CFAP77: variants seen among roughly 807,000 people sequenced by gnomAD.
CFAP77 encodes cilia- and flagella-associated protein 77.
A neutral mutation model predicts 31.1 loss-of-function variants in CFAP77; 25 were observed. The ratio of observed to expected loss-of-function variants is 0.80; its 90% confidence interval spans 0.59 to 1.12. The LOEUF (loss-of-function observed/expected upper bound fraction) is 1.12, where lower values mean the gene tolerates loss of function less well. Ranked by LOEUF, CFAP77 falls within the 50% of genes most tolerant of loss-of-function variation. The pLI is 0.00. For synonymous variants in CFAP77, 151 were observed against 159.9 expected, an observed-to-expected ratio of 0.94 and a Z score of 0.42; for missense variants, 377 against 397.3, an observed-to-expected ratio of 0.95 and a Z score of 0.44.
At chr9:132,531,943 G>C (rs1030963617) in intron 3 of CFAP77, among the ~76,000 whole-genome samples, 1 of 152,194 alleles carries the variant, frequency 6.6e-6, no homozygotes, top group African/African-American at 2.4e-5. Flanking sequence ...ATGTACCGGG[G>C]ACTGCTGAGA....
chr9:132,537,820 T>C (rs1852572679), intron 4 of CFAP77, 114 bp downstream of exon 4: 1 of 756,612 alleles, frequency 1.3e-6, no homozygotes, highest in Non-Finnish European at 2.2e-6. Flanking sequence ...TGGGGATGAG[T>C]GGGAAATCAG....
rs1039814155 is a variant in CFAP77, at chr9:132,511,532, C to T, written c.524+11932C>T. On this transcript the variant is annotated intron_variant, in intron 3 of 5. Coordinates refer to ENST00000393216, the MANE Select transcript of CFAP77 (RefSeq NM_001282957.2). This position sits in a 1 kb window ranked among gnomAD's most constrained non-coding sequence, Gnocchi z 5.8. ...TGGAATGTTGTAGGTGCTCAGTAAA[C>T]GCTTGTTGACTGACTGCGTGAGAGG... is the stretch of plus-strand genomic sequence containing the variant. Among the ~76,000 whole-genome samples, 27 of 152,178 alleles carry T rather than the reference C, an allele frequency of 1.8e-4. No homozygotes were observed. Among genetic ancestry groups the T allele is most frequent in the Admixed American group, 5.9e-4 (9 of 15,284 alleles).
At chr9:132,537,210 G>A (rs1852557718) in intron 3 of CFAP77, among the ~76,000 whole-genome samples, 1 of 152,144 alleles carries the variant, frequency 6.6e-6, no homozygotes, top group African/African-American at 2.4e-5. Context: ...CAGATATCAG[G>A]GGTGCAGGTG....
intron 1 of CFAP77, among the ~76,000 whole-genome samples, chr9:132,430,512 C>G (rs551016590): frequency 1.3e-5 from 2 of 152,284 alleles, no homozygotes; most frequent in East Asian, 3.9e-4. Context: ...TTCCATTCTT[C>G]CCAATGACCA....
intron 3 of CFAP77, among the ~76,000 whole-genome samples, chr9:132,531,719 T>G (rs993156933): frequency 2.0e-5 from 3 of 152,014 alleles, no homozygotes; most frequent in African/African-American, 7.3e-5. Context: ...TTCTCCACCT[T>G]TGTATCCAAG....
chr9:132,439,277 G>A (rs1250967592), intron 1 of CFAP77, among the ~76,000 whole-genome samples: 1 of 152,178 alleles, frequency 6.6e-6, no homozygotes, highest in Non-Finnish European at 1.5e-5. Context: ...TGGCTCATGT[G>A]GGTAGAAGCT....
At chr9:132,542,485 C>T (rs749968733) in intron 4 of CFAP77, among the ~76,000 whole-genome samples, 1 of 152,198 alleles carries the variant, frequency 6.6e-6, no homozygotes, top group African/African-American at 2.4e-5. Context: ...CTGAGTCCCC[C>T]GAAGAAGCTC....
chr9:132,438,542 T>TATATATATA (rs1491134869), intron 1 of CFAP77, among the ~76,000 whole-genome samples: 1 of 81,950 alleles, frequency 1.2e-5, no homozygotes, highest in East Asian at 3.6e-4. Context: ...TATATATATA[T>TATATATATA]TTTTTTTTTT....
chr9:132,503,116 A>G (rs1851881576), intron 3 of CFAP77, among the ~76,000 whole-genome samples: 1 of 152,202 alleles, frequency 6.6e-6, no homozygotes, highest in South Asian at 2.1e-4. Context: ...GTGACACTAG[A>G]GACACCTTGG....
At chr9:132,458,357 G>GGGGTGGGGT (rs139008147) in intron 1 of CFAP77, among the ~76,000 whole-genome samples, 23 of 119,066 alleles carry the variant, frequency 1.9e-4, no homozygotes, top group South Asian at 2.7e-4. Flanking sequence ...GAGGGGGGGG[G>GGGGTGGGGT]GTGTGTATGG....
At chr9:132,429,690 CA>C (rs527868008) in intron 1 of CFAP77, among the ~76,000 whole-genome samples, 416 of 129,448 alleles carry the variant, frequency 3.2e-3, no homozygotes, top group African/African-American at 4.5e-3. Context: ...TAACAAAATA[CA>C]AAAAAAAAAA....
At chr9:132,450,194 T>A (rs1477782525) in intron 1 of CFAP77, among the ~76,000 whole-genome samples, 2 of 150,714 alleles carry the variant, frequency 1.3e-5, no homozygotes, top group African/African-American at 4.9e-5. Flanking sequence ...CCTCCCAAAG[T>A]GCTGGGATTA....
intron 3 of CFAP77, among the ~76,000 whole-genome samples, chr9:132,533,510 C>T (rs1181386168): frequency 6.7e-6 from 1 of 150,166 alleles, no homozygotes; most frequent in Admixed American, 6.6e-5. Context: ...CGGCTCCAGG[C>T]GTTTCTTGGT....
intron 5 of CFAP77, among the ~76,000 whole-genome samples, chr9:132,566,537 C>T (rs1046690108): frequency 6.6e-6 from 1 of 152,162 alleles, no homozygotes; most frequent in Admixed American, 6.5e-5. Flanking sequence ...TGCAGAGAGG[C>T]ACCCAGCTAC....
intron 1 of CFAP77, among the ~76,000 whole-genome samples, chr9:132,472,989 G>A (rs1002786069): frequency 2.0e-5 from 3 of 152,092 alleles, no homozygotes; most frequent in Non-Finnish European, 2.9e-5. Flanking sequence ...TGTACAAGAC[G>A]CATGGCACCG....
intron 1 of CFAP77, among the ~76,000 whole-genome samples, chr9:132,439,977 T>C (rs1032639360): frequency 3.9e-5 from 6 of 152,014 alleles, no homozygotes; most frequent in African/African-American, 9.7e-5. Flanking sequence ...ATCATTCTTA[T>C]CGTAGATCAT....
chr9:132,559,686 C>G (rs1034853667), intron 5 of CFAP77, among the ~76,000 whole-genome samples: 3 of 152,066 alleles, frequency 2.0e-5, no homozygotes, highest in African/African-American at 7.2e-5. Flanking sequence ...AGGTATACAC[C>G]CAAGAGAAAT....
intron 5 of CFAP77, among the ~76,000 whole-genome samples, chr9:132,561,158 G>A (rs1852990805): frequency 1.3e-5 from 2 of 152,082 alleles, no homozygotes; most frequent in East Asian, 1.9e-4. Flanking sequence ...CAGCTGCCCC[G>A]AACTTGACAG....
rs556609499 is a variant in CFAP77 at position 132,514,332 on chromosome 9, T to C, written c.524+14732T>C. ...CTCCTGGTCAGGCAAAGGATGGGTA[T>C]CAATGATCACCTTGGAAAAGGGGTA... On this transcript the variant is annotated intron_variant, in intron 3 of 5. Coordinates refer to ENST00000393216, the MANE Select transcript of CFAP77 (RefSeq NM_001282957.2). Among the ~76,000 whole-genome samples, 3 of 144,406 alleles carry C rather than the reference T, an allele frequency of 2.1e-5. No homozygotes were observed. The South Asian group carries it at 6.3e-4, about 31-fold the overall frequency. 94.7% of individuals were successfully genotyped at this position (144,406 alleles called of 152,430 possible). A position where few individuals can be genotyped will look rare whatever the true frequency, so the allele number is the denominator to read the frequency against.
Sources: allele counts gnomAD v4.1 joint callset (sites outside exome capture counted in the v4.1 genomes callset), GRCh38; gene constraint gnomAD v4.1.1; non-coding constraint Gnocchi (gnomAD v3.1); transcripts MANE v1.5; gene names NCBI Gene and HGNC (gene_info 2026-07-23, HGNC 2026-07-21).